SGCZ: variants seen among roughly 807,000 people sequenced by gnomAD.
SGCZ encodes the protein sarcoglycan zeta.
A neutral mutation model predicts 41.3 loss-of-function variants in SGCZ; 40 were observed. The observed-to-expected ratio is 0.97, with a 90% CI of 0.75 to 1.26. The LOEUF (loss-of-function observed/expected upper bound fraction) is 1.26, where lower values mean the gene tolerates loss of function less well. SGCZ is among the 50% of genes most tolerant of loss of function. The pLI is 0.00. For synonymous variants in SGCZ, 206 were observed against 137.5 expected, an observed-to-expected ratio of 1.50 and a Z score of -3.49; for missense variants, 552 against 369.8, an observed-to-expected ratio of 1.49 and a Z score of -4.04.
At chr8:14,506,558 C>T (rs1232314527) in intron 2 of SGCZ, among the ~76,000 whole-genome samples, 4 of 152,060 alleles carry the variant, frequency 2.6e-5, no homozygotes, top group Admixed American at 2.6e-4. Context: ...TACCTGGACA[C>T]CTAAGTCTCC....
intron 2 of SGCZ, among the ~76,000 whole-genome samples, chr8:14,381,564 C>T (rs1804365067): frequency 6.6e-6 from 1 of 151,588 alleles, no homozygotes; most frequent in Non-Finnish European, 1.5e-5. Context: ...CGCTTGAGCC[C>T]AGGAGTCTGA....
chr8:15,076,791 C>G (rs562596754), intron 1 of SGCZ, among the ~76,000 whole-genome samples: 118 of 149,198 alleles, frequency 7.9e-4, no homozygotes, highest in African/African-American at 2.8e-3. Context: ...TTTCTCTGCA[C>G]ACCGCCTCCC....
At chr8:14,771,792 A>T (rs1800248641) in intron 1 of SGCZ, among the ~76,000 whole-genome samples, 1 of 152,168 alleles carries the variant, frequency 6.6e-6, no homozygotes, top group Non-Finnish European at 1.5e-5. Flanking sequence ...CAACCCAAAG[A>T]TACATTAATG....
chr8:14,268,703 G>C (rs1056786309), intron 3 of SGCZ, among the ~76,000 whole-genome samples: 4 of 151,600 alleles, frequency 2.6e-5, no homozygotes, highest in Non-Finnish European at 4.4e-5. Context: ...TAGAACATGA[G>C]AAAATTATAA....
At chr8:14,689,035 C>T (rs1808713798) in intron 1 of SGCZ, among the ~76,000 whole-genome samples, 1 of 152,032 alleles carries the variant, frequency 6.6e-6, no homozygotes, top group African/African-American at 2.4e-5. Flanking sequence ...CAAGCACAGT[C>T]AGTGAATTTT....
intron 1 of SGCZ, among the ~76,000 whole-genome samples, chr8:14,790,901 C>A (rs538700448): frequency 6.6e-6 from 1 of 151,652 alleles, no homozygotes; most frequent in Non-Finnish European, 1.5e-5. Context: ...GGTGGTGGTG[C>A]GCATCTGTAA....
chr8:14,164,803 G>C, intron 4 of SGCZ, 101 bp from the exon 5 acceptor site: 2 of 1,352,506 alleles, frequency 1.5e-6, no homozygotes, highest in Non-Finnish European at 2.0e-6. Context: ...TATTTAATTT[G>C]TTTATCTCTG....
At chr8:14,814,629 G>A (rs1554504770) in intron 1 of SGCZ, among the ~76,000 whole-genome samples, 1 of 152,146 alleles carries the variant, frequency 6.6e-6, no homozygotes, top group Non-Finnish European at 1.5e-5. Flanking sequence ...AGAGTTCAGA[G>A]AAGATGGGAG....
At chr8:14,594,576 G>A (rs1002386555) in intron 1 of SGCZ, among the ~76,000 whole-genome samples, 3 of 150,244 alleles carry the variant, frequency 2.0e-5, no homozygotes, top group Admixed American at 6.6e-5. Flanking sequence ...ATAGAAGCAA[G>A]CAGTTTATGT....
intron 1 of SGCZ, among the ~76,000 whole-genome samples, chr8:14,935,020 A>C (rs2130811249): frequency 6.6e-6 from 1 of 151,574 alleles, no homozygotes; most frequent in Non-Finnish European, 1.5e-5. Flanking sequence ...AAAATGCAAA[A>C]AAAAAAAAAA....
chr8:14,518,894 C>CAAAAAAAAA (rs370947291), intron 2 of SGCZ, among the ~76,000 whole-genome samples: 1 of 128,244 alleles, frequency 7.8e-6, no homozygotes. Flanking sequence ...CCATCTCTAC[C>CAAAAAAAAA]AAAAAAAAAA....
chr8:15,216,538 G>A (rs1801409920), intron 1 of SGCZ, among the ~76,000 whole-genome samples: 1 of 151,840 alleles, frequency 6.6e-6, no homozygotes, highest in East Asian at 1.9e-4. Context: ...CTTTCTAAAG[G>A]ATGTTGGACG....
At chr8:14,309,211 T>C in intron 3 of SGCZ, 2 of 1,497,472 alleles carry the variant, frequency 1.3e-6, no homozygotes, top group Non-Finnish European at 1.9e-6. Context: ...GGCTGATCTC[T>C]AAGTTTGATA....
chr8:14,413,717 A>G (rs997779060), intron 2 of SGCZ, among the ~76,000 whole-genome samples: 9 of 151,986 alleles, frequency 5.9e-5, no homozygotes, highest in Non-Finnish European at 1.3e-4. Flanking sequence ...CTAAAATTGC[A>G]TCTTCTTTGT....
At position 14,085,465 on chromosome 8, in the gene SGCZ, GA is replaced by G. The variant is rs1044382653; in HGVS notation, c.*4977del. ...CGCAAACAAATGAGATACTAAGACT[GA>G]AAAAAACAAAAAATAACTACAGTTC... On this transcript the variant is annotated 3_prime_UTR_variant, in exon 8 of 8. Coordinates refer to ENST00000382080, the MANE Select transcript of SGCZ (RefSeq NM_139167.4). Among the ~76,000 whole-genome samples, 1 of 151,288 alleles carries G rather than the reference GA, an allele frequency of 6.6e-6. No homozygotes were observed. Among genetic ancestry groups the G allele is most frequent in the Non-Finnish European group, 1.5e-5 (1 of 67,642 alleles).
intron 5 of SGCZ, among the ~76,000 whole-genome samples, chr8:14,118,379 G>A (rs13254236): frequency 0.33 from 50,647 of 151,708 alleles, 10,734 homozygotes; most frequent in Non-Finnish European, 0.49. Flanking sequence ...TTTGAGAAGT[G>A]TCTGTTCATA....
At chr8:14,991,719 G>C (rs1364621098) in intron 1 of SGCZ, among the ~76,000 whole-genome samples, 1 of 149,926 alleles carries the variant, frequency 6.7e-6, no homozygotes, top group Admixed American at 6.6e-5. Context: ...CCCCAAATTA[G>C]CGTTTCCCTT....
At chr8:14,981,149 C>T (rs995974672) in intron 1 of SGCZ, among the ~76,000 whole-genome samples, 1 of 152,148 alleles carries the variant, frequency 6.6e-6, no homozygotes, top group East Asian at 1.9e-4. Context: ...TTCACTGAAA[C>T]TCCTCCTAAT....
In SGCZ at chr8:14,102,814, G is replaced by A. The variant is rs564797049; in HGVS notation, c.621-315C>T. Among the ~76,000 whole-genome samples the A allele has an allele frequency of 1.1e-4, 16 of 152,226 alleles. No homozygotes were observed. The South Asian group carries it at 3.1e-3, about 30-fold the overall frequency. ...CCTCAGAATGCTCATGAAAAGTAGG[G>A]TGTGATAAGTATACTTGCTAAAATT... On this transcript the variant is annotated intron_variant, in intron 6 of 7. Transcript: ENST00000382080.
Sources: allele counts gnomAD v4.1 joint callset (sites outside exome capture counted in the v4.1 genomes callset), GRCh38; gene constraint gnomAD v4.1.1; transcripts MANE v1.5; gene names NCBI Gene and HGNC (gene_info 2026-07-23, HGNC 2026-07-21).